LRRC4C: variants seen among roughly 807,000 people sequenced by gnomAD.
The protein encoded by LRRC4C is leucine rich repeat containing 4C, also known as leucine-rich repeat-containing protein 4C.
LRRC4C carries 5 observed loss-of-function variants against 33.6 expected under a neutral mutation model. That is an observed-to-expected ratio of 0.15 (90% CI 0.08 to 0.31). The LOEUF (loss-of-function observed/expected upper bound fraction) is 0.31. Ranked by LOEUF, LRRC4C falls within the 10% of genes least tolerant of loss-of-function variation. The pLI is 1.00. For missense variants in LRRC4C, 560 were observed against 796.7 expected, an observed-to-expected ratio of 0.70 and a Z score of 3.58; for synonymous variants, 329 against 302.0, an observed-to-expected ratio of 1.09 and a Z score of -0.93.
At chr11:40,771,002 G>A (rs1355635118) in intron 2 of LRRC4C, among the ~76,000 whole-genome samples, 1 of 152,198 alleles carries the variant, frequency 6.6e-6, no homozygotes, top group Non-Finnish European at 1.5e-5. Flanking sequence ...AGGATCTGGA[G>A]AATGGTAGCT....
chr11:41,252,580 C>T (rs1043062708), intron 1 of LRRC4C, among the ~76,000 whole-genome samples: 3 of 152,092 alleles, frequency 2.0e-5, no homozygotes, highest in Non-Finnish European at 1.5e-5. Flanking sequence ...TCTACTGACT[C>T]TGTTTTTGTA....
chr11:40,628,322 A>G (rs544106350), intron 3 of LRRC4C, among the ~76,000 whole-genome samples: 390 of 151,940 alleles, frequency 2.6e-3, no homozygotes, highest in Non-Finnish European at 4.4e-3. Context: ...CTAAAAATAC[A>G]AAAAAATTAG....
chr11:41,258,028 T>C (rs1948858745), intron 1 of LRRC4C, among the ~76,000 whole-genome samples: 1 of 151,998 alleles, frequency 6.6e-6, no homozygotes, highest in African/African-American at 2.4e-5. Flanking sequence ...GGTAACGATA[T>C]ATAATTCTAA....
intron 5 of LRRC4C, among the ~76,000 whole-genome samples, chr11:40,154,261 AT>A (rs1357033086): frequency 6.8e-6 from 1 of 148,098 alleles, no homozygotes; most frequent in African/African-American, 2.5e-5. Context: ...CCATTTGCCT[AT>A]AAAACAAAAA....
chr11:40,604,923 A>C (rs1960409574), intron 3 of LRRC4C, among the ~76,000 whole-genome samples: 1 of 152,184 alleles, frequency 6.6e-6, no homozygotes, highest in Non-Finnish European at 1.5e-5. Context: ...CTTTTCCTTA[A>C]TTAACTCTAT....
chr11:40,886,406 T>TACACATACAC (rs1955454237), intron 2 of LRRC4C, among the ~76,000 whole-genome samples: 1 of 145,450 alleles, frequency 6.9e-6, no homozygotes, highest in Non-Finnish European at 1.5e-5. Context: ...TTTCAAATGC[T>TACACATACAC]ACACACACAC....
At chr11:40,214,400 G>T (rs1863828255) in intron 5 of LRRC4C, among the ~76,000 whole-genome samples, 1 of 152,062 alleles carries the variant, frequency 6.6e-6, no homozygotes, top group South Asian at 2.1e-4. Flanking sequence ...TTCTTTTTAA[G>T]AAACTGGATT....
intron 1 of LRRC4C, among the ~76,000 whole-genome samples, chr11:41,206,299 A>T (rs1421836152): frequency 3.3e-5 from 5 of 152,326 alleles, no homozygotes; most frequent in African/African-American, 1.2e-4. Context: ...AGTGTTTTAG[A>T]AAAAGCTGTT....
intron 1 of LRRC4C, among the ~76,000 whole-genome samples, chr11:41,281,475 A>T (rs1307621971): frequency 1.3e-5 from 2 of 152,156 alleles, no homozygotes; most frequent in South Asian, 2.1e-4. Context: ...GAGTCTCAAA[A>T]ATGATACACT....
intron 2 of LRRC4C, among the ~76,000 whole-genome samples, chr11:40,751,066 C>G (rs4643070): frequency 6.6e-6 from 1 of 151,786 alleles, no homozygotes; most frequent in Non-Finnish European, 1.5e-5. Flanking sequence ...CAAATTCCAC[C>G]TCCCTTTATG....
chr11:41,256,218 C>G (rs1948793663), intron 1 of LRRC4C, among the ~76,000 whole-genome samples: 3 of 151,884 alleles, frequency 2.0e-5, no homozygotes, highest in Non-Finnish European at 4.4e-5. Context: ...GCTCAGTCAC[C>G]CCGGGTGATA....
At chr11:41,326,706 T>G (rs1374487377) in intron 1 of LRRC4C, among the ~76,000 whole-genome samples, 3 of 152,202 alleles carry the variant, frequency 2.0e-5, no homozygotes, top group African/African-American at 7.2e-5. Context: ...TGCACTGTGA[T>G]CCGCTATGTG....
intron 1 of LRRC4C, among the ~76,000 whole-genome samples, chr11:41,347,903 G>A (rs1376905017): frequency 6.6e-6 from 1 of 152,184 alleles, no homozygotes; most frequent in Non-Finnish European, 1.5e-5. Flanking sequence ...ATTATTTACA[G>A]ATGATGAAAA....
At chr11:41,213,652 A>G (rs1946916249) in intron 1 of LRRC4C, among the ~76,000 whole-genome samples, 1 of 152,236 alleles carries the variant, frequency 6.6e-6, no homozygotes, top group East Asian at 1.9e-4. Context: ...ATCATAACAG[A>G]CATCACATGT....
intron 2 of LRRC4C, among the ~76,000 whole-genome samples, chr11:40,820,038 C>T (rs527604620): frequency 2.0e-5 from 3 of 151,216 alleles, no homozygotes; most frequent in Non-Finnish European, 4.4e-5. Context: ...TTTAAAAAAG[C>T]AAAAATAGAA....
At chr11:40,629,803 C>T (rs879733820) in intron 3 of LRRC4C, among the ~76,000 whole-genome samples, 6 of 152,046 alleles carry the variant, frequency 3.9e-5, no homozygotes, top group Non-Finnish European at 8.8e-5. Flanking sequence ...GCACCATTTG[C>T]CTCTTTATTT....
rs1565274687 is a variant in LRRC4C at position 40,987,672 on chromosome 11, A to ATCTCATATAT, written c.-495-53950_-495-53949insATATATGAGA. On this transcript the variant is annotated intron_variant, in intron 1 of 6. Transcript: ENST00000528697. ...ATATATCTCATATATATGAGATATA[A>ATCTCATATAT]ATGATATATATATATATATCTCATA... Among the ~76,000 whole-genome samples the ATCTCATATAT allele has an allele frequency of 5.0e-4, 20 of 40,148 alleles. 1 individual carries two copies. Among genetic ancestry groups the ATCTCATATAT allele is most frequent in the Admixed American group, 1.0e-3 (4 of 3,962 alleles). 26.3% of individuals were successfully genotyped at this position (40,148 alleles called of 152,430 possible).
chr11:40,205,879 C>A (rs556818336), intron 5 of LRRC4C, among the ~76,000 whole-genome samples: 1 of 152,290 alleles, frequency 6.6e-6, no homozygotes, highest in African/African-American at 2.4e-5. Context: ...TCATTAAGTA[C>A]CTTTTTCTTT....
intron 1 of LRRC4C, among the ~76,000 whole-genome samples, chr11:40,976,480 G>A (rs985175004): frequency 1.3e-5 from 2 of 152,122 alleles, no homozygotes; most frequent in South Asian, 2.1e-4. Flanking sequence ...TGTCACCAGC[G>A]TGATGCTACT....
Sources: allele counts gnomAD v4.1 joint callset (sites outside exome capture counted in the v4.1 genomes callset), GRCh38; gene constraint gnomAD v4.1.1; transcripts MANE v1.5; gene names NCBI Gene and HGNC (gene_info 2026-07-23, HGNC 2026-07-21).